NPRL3: variants seen among roughly 807,000 people sequenced by gnomAD.
The protein encoded by NPRL3 is GATOR1 complex protein NPRL3.
In NPRL3, 23 loss-of-function variants were observed where a neutral mutation model predicts 57.2. That is an observed-to-expected ratio of 0.40 (90% CI 0.29 to 0.57). NPRL3 has a LOEUF of 0.57. Ranked by LOEUF, NPRL3 falls within the 20% of genes least tolerant of loss-of-function variation. The pLI, the probability that NPRL3 is intolerant of heterozygous loss-of-function variation, is 0.42. For synonymous variants in NPRL3, 333 were observed against 321.1 expected, an observed-to-expected ratio of 1.04 and a Z score of -0.39; for missense variants, 691 against 767.1, an observed-to-expected ratio of 0.90 and a Z score of 1.17.
At chr16:109,901 TAA>T (rs1408014709) in intron 7 of NPRL3, among the ~76,000 whole-genome samples, 2 of 152,202 alleles carry the variant, frequency 1.3e-5, no homozygotes, top group Non-Finnish European at 2.9e-5. Flanking sequence ...TTGGGAAATA[TAA>T]GTCCTTAAAC....
rs191232963 is a variant in NPRL3, at chr16:134,202, A to C, written c.119-3611T>G. Among the ~76,000 whole-genome samples, 50 of 152,250 alleles carry C rather than the reference A, an allele frequency of 3.3e-4. 1 individual carries two copies. In the East Asian group the frequency reaches 9.5e-3, roughly 29 times the overall value. The stretch of plus-strand genomic sequence containing the variant: ...CTTTCAATTTGTAGAAAACACAATA[A>C]AGTGAGGTAGGCCCCTATGCACATG... On this transcript the variant is annotated intron_variant, in intron 2 of 13. Coordinates refer to ENST00000611875, the MANE Select transcript of NPRL3 (RefSeq NM_001077350.3).
intron 9 of NPRL3, among the ~76,000 whole-genome samples, chr16:97,156 TC>T (rs1456657745): frequency 6.6e-6 from 1 of 151,846 alleles, no homozygotes; most frequent in Admixed American, 6.6e-5. Flanking sequence ...ATTTCAATGG[TC>T]CCGTGGCTCT....
intron 9 of NPRL3, among the ~76,000 whole-genome samples, chr16:95,981 G>A (rs1002719889): frequency 1.3e-5 from 2 of 152,184 alleles, no homozygotes; most frequent in East Asian, 1.9e-4. Context: ...AGGGGCTTCC[G>A]CACCGCCACA....
intron 7 of NPRL3, among the ~76,000 whole-genome samples, chr16:101,809 C>A (rs557655725): frequency 1.3e-5 from 2 of 152,238 alleles, no homozygotes; most frequent in Non-Finnish European, 2.9e-5. Flanking sequence ...CACAAACTCT[C>A]TGCAGACGCC....
intron 12 of NPRL3, chr16:89,258 A>T: frequency 7.0e-6 from 2 of 283,982 alleles, no homozygotes; most frequent in Non-Finnish European, 1.3e-5. Context: ...GCCAGACCTC[A>T]GCCAAGGGGG....
intron 9 of NPRL3, among the ~76,000 whole-genome samples, chr16:94,873 C>G (rs920553607): frequency 1.3e-5 from 2 of 152,136 alleles, no homozygotes; most frequent in Non-Finnish European, 2.9e-5. Flanking sequence ...TCCTGCCTCT[C>G]CCTGCAGCAG....
intron 7 of NPRL3, among the ~76,000 whole-genome samples, chr16:106,092 C>T (rs760205898): frequency 1.3e-5 from 2 of 152,056 alleles, no homozygotes. Flanking sequence ...TGGCAGATCA[C>T]GAGGTCAGGA....
At chr16:137,773 C>CA (rs1435652791) in intron 2 of NPRL3, among the ~76,000 whole-genome samples, 2 of 151,864 alleles carry the variant, frequency 1.3e-5, no homozygotes, top group African/African-American at 4.8e-5. Context: ...CCATGTTGGC[C>CA]AGGCTGGTCT....
chr16:98,423 G>C lies in NPRL3; in HGVS notation c.768-122C>G, dbSNP rs772964806. ...CAGGTCCTGCACCAGGTATGCACCGGGTATGCACCAGGTATGCACCTGGGA... is the reference window on the plus strand; with the variant it reads ...CAGGTCCTGCACCAGGTATGCACCGCGTATGCACCAGGTATGCACCTGGGA... On this transcript the variant is annotated intron_variant, in intron 8 of 13. Transcript: ENST00000611875. 14 of 1,086,706 alleles carry C rather than the reference G, an allele frequency of 1.3e-5. No individual in the cohort carries two copies. In the East Asian group the frequency reaches 2.4e-4, roughly 18 times the overall value. 67.3% of individuals were successfully genotyped at this position (1,086,706 alleles called of 1,614,324 possible).
chr16:99,697 C>T (rs1198093005), intron 8 of NPRL3, among the ~76,000 whole-genome samples: 2 of 149,274 alleles, frequency 1.3e-5, no homozygotes, highest in African/African-American at 2.5e-5. Flanking sequence ...CTGAGATGAG[C>T]GATGAGTGGA....
chr16:104,446 G>C (rs971521019), intron 7 of NPRL3, among the ~76,000 whole-genome samples: 26 of 152,162 alleles, frequency 1.7e-4, no homozygotes, highest in African/African-American at 5.8e-4. Context: ...TATGGGTATG[G>C]AGAAATGAGG....
intron 5 of NPRL3, among the ~76,000 whole-genome samples, chr16:115,703 C>G (rs531909211): frequency 6.6e-6 from 1 of 152,326 alleles, no homozygotes; most frequent in South Asian, 2.1e-4. Flanking sequence ...TCAGCCTGCT[C>G]TCAAACTCCT....
chr16:88,922 G>A (rs1898631688), intron 12 of NPRL3, 32 bp from the exon 13 acceptor site: 1 of 1,589,384 alleles, frequency 6.3e-7, no homozygotes, highest in African/African-American at 1.3e-5. Flanking sequence ...GTGACCAAGT[G>A]GAATTCCAGG....
chr16:138,432 G>A (rs1225622900), intron 1 of NPRL3, 98 bp from the exon 2 acceptor site: 1 of 232,454 alleles, frequency 4.3e-6, no homozygotes, highest in Non-Finnish European at 8.2e-6. Context: ...GAGGGGGCCT[G>A]AGGAGGGCAG....
In NPRL3 at chr16:117,336, T is replaced by C; in HGVS notation, c.358A>G (p.Thr120Ala). Residue 120 changes from threonine to alanine, a missense_variant, in exon 5 of 14, where the codon ACT becomes GCT. By Grantham distance (58) the Thr-to-Ala change is moderately conservative. Coordinates refer to ENST00000611875, the MANE Select transcript of NPRL3 (RefSeq NM_001077350.3). ...TDPSPKREAP[T>A]MILFNVVFAL... is the part of the protein sequence containing the mutation. ...AACACCACATTAAAAAGAATCATAGTAGGTGCTTCCCTCTTCGGGGAAGGA... is the reference window on the plus strand; with the variant it reads ...AACACCACATTAAAAAGAATCATAGCAGGTGCTTCCCTCTTCGGGGAAGGA... The C allele has an allele frequency of 6.2e-7, 1 of 1,612,376 alleles. No homozygotes were observed. Among genetic ancestry groups the C allele is most frequent in the Non-Finnish European group, 8.5e-7 (1 of 1,178,738 alleles).
intron 12 of NPRL3, chr16:89,120 C>T (rs998396383): frequency 1.9e-5 from 11 of 570,730 alleles, no homozygotes; most frequent in African/African-American, 1.3e-4. Flanking sequence ...CTCAAGGGAC[C>T]TGAACAGAGG....
chr16:104,051 C>T (rs1393931902), intron 7 of NPRL3, among the ~76,000 whole-genome samples: 2 of 150,556 alleles, frequency 1.3e-5, no homozygotes, highest in African/African-American at 2.5e-5. Flanking sequence ...GAGGTAGAGG[C>T]GGAGGCGGAG....
chr16:120,251 C>T (rs578039314), intron 3 of NPRL3, among the ~76,000 whole-genome samples: 1 of 152,310 alleles, frequency 6.6e-6, no homozygotes, highest in South Asian at 2.1e-4. Flanking sequence ...CTTGGGGAAG[C>T]TCTAGCCTCC....
chr16:97,283 C>T lies in NPRL3; in HGVS notation c.924+862G>A, dbSNP rs115965074. Among the ~76,000 whole-genome samples, 453 of 151,422 alleles carry T rather than the reference C, an allele frequency of 3.0e-3. 2 individuals are homozygous for T. Among genetic ancestry groups the T allele is most frequent in the African/African-American group, 0.01 (423 of 41,180 alleles). On this transcript the variant is annotated intron_variant, in intron 9 of 13. Coordinates refer to ENST00000611875, the MANE Select transcript of NPRL3 (RefSeq NM_001077350.3). Reference sequence around the variant, plus strand: ...CTTTTTTTTTTTTTGGAAACAGAGTCGCCCAGGCTGGAGTACAGTGGCACA... The same window carrying T: ...CTTTTTTTTTTTTTGGAAACAGAGTTGCCCAGGCTGGAGTACAGTGGCACA...
Sources: allele counts gnomAD v4.1 joint callset (sites outside exome capture counted in the v4.1 genomes callset), GRCh38; gene constraint gnomAD v4.1.1; transcripts MANE v1.5; gene names NCBI Gene and HGNC (gene_info 2026-07-23, HGNC 2026-07-21).